The following ANK3 variants were observed in gnomAD, a reference collection of about 807,000 sequenced individuals.
ANK3 encodes the protein ankyrin-3.
ANK3 carries 57 observed loss-of-function variants against 370.9 expected under a neutral mutation model. The ratio of observed to expected loss-of-function variants is 0.15; its 90% CI spans 0.12 to 0.19. The LOEUF (loss-of-function observed/expected upper bound fraction) is 0.19, where lower values mean the gene tolerates loss of function less well. Among genes scored for constraint, ANK3 ranks in the 10% least tolerant of loss-of-function variants. The pLI is 1.00. For missense variants in ANK3, 4,439 were observed against 5,302.1 expected (o/e 0.84, Z 5.06); for synonymous variants, 1,929 against 1,946.3 (o/e 0.99, Z 0.23).
At chr10:60,093,329 T>C (rs2089179775) in intron 28 of ANK3, among the ~76,000 whole-genome samples, 1 of 152,244 alleles carries the variant, frequency 6.6e-6, no homozygotes, top group Admixed American at 6.5e-5. Flanking sequence ...AAAGATGTCA[T>C]GTTCTCCTTC....
intron 18 of ANK3, among the ~76,000 whole-genome samples, chr10:60,174,224 G>A (rs1248505826): frequency 6.6e-6 from 1 of 152,100 alleles, no homozygotes; most frequent in Non-Finnish European, 1.5e-5. Context: ...ACCTTACCAG[G>A]GATGTGCTGC....
intron 24 of ANK3, among the ~76,000 whole-genome samples, chr10:60,135,871 T>G (rs921790050): frequency 6.6e-6 from 1 of 152,162 alleles, no homozygotes; most frequent in East Asian, 1.9e-4. Flanking sequence ...TACATTCTTC[T>G]AGGATTGGAG....
intron 1 of ANK3, among the ~76,000 whole-genome samples, chr10:60,686,563 C>T (rs60551449): frequency 0.012 from 1,794 of 152,180 alleles, 35 homozygotes; most frequent in African/African-American, 0.041. Context: ...ATAGTACTTT[C>T]TATGTGCCAG....
chr10:60,333,492 C>A (rs770490816), intron 1 of ANK3, among the ~76,000 whole-genome samples: 1 of 152,098 alleles, frequency 6.6e-6, no homozygotes, highest in African/African-American at 2.4e-5. Flanking sequence ...TTCTTTTTTA[C>A]GCCTGTGTAG....
chr10:60,496,030 GCTT>G (rs1282087132), intron 2 of ANK3, among the ~76,000 whole-genome samples: 1 of 150,268 alleles, frequency 6.7e-6, no homozygotes, highest in African/African-American at 2.5e-5. Flanking sequence ...AAAATTGTCT[GCTT>G]CTAATTTATA....
chr10:60,586,329 G>A (rs1161974592), intron 2 of ANK3, among the ~76,000 whole-genome samples: 2 of 152,186 alleles, frequency 1.3e-5, no homozygotes, highest in African/African-American at 4.8e-5. Context: ...TTCTTTCAAT[G>A]TCAGAGCAGA....
intron 2 of ANK3, among the ~76,000 whole-genome samples, chr10:60,459,404 C>A (rs2064829191): frequency 6.6e-6 from 1 of 152,142 alleles, no homozygotes; most frequent in Admixed American, 6.6e-5. Context: ...GGAACTTCAA[C>A]CTGACAATCA....
chr10:60,540,086 A>G (rs2076813189), intron 2 of ANK3, among the ~76,000 whole-genome samples: 1 of 151,892 alleles, frequency 6.6e-6, no homozygotes, highest in African/African-American at 2.4e-5. Flanking sequence ...AGGCTCCTTC[A>G]CCTTCATTCC....
intron 1 of ANK3, among the ~76,000 whole-genome samples, chr10:60,289,135 T>C (rs552109786): frequency 2.0e-5 from 3 of 152,220 alleles, no homozygotes; most frequent in African/African-American, 7.2e-5. Context: ...AAGAAAGTGA[T>C]ATAAGAGGCA....
At chr10:60,257,316 C>T (rs1321849398) in intron 7 of ANK3, among the ~76,000 whole-genome samples, 4 of 152,130 alleles carry the variant, frequency 2.6e-5, no homozygotes, top group Admixed American at 2.6e-4. Context: ...GTTAACCAGT[C>T]ACTGATCTGT....
At chr10:60,048,510 A>G (rs1291450107) in intron 42 of ANK3, among the ~76,000 whole-genome samples, 3 of 152,154 alleles carry the variant, frequency 2.0e-5, no homozygotes, top group Admixed American at 2.0e-4. Context: ...CAGATAGCAA[A>G]ATCTGCAGAT....
intron 18 of ANK3, among the ~76,000 whole-genome samples, chr10:60,176,342 G>A (rs1459556382): frequency 2.3e-5 from 3 of 131,234 alleles, no homozygotes; most frequent in Non-Finnish European, 4.6e-5. Flanking sequence ...TCCAGCCTGG[G>A]CAACAGAGTG....
chr10:60,281,559 C>T (rs377516034), intron 1 of ANK3, among the ~76,000 whole-genome samples: 10 of 152,182 alleles, frequency 6.6e-5, no homozygotes, highest in African/African-American at 2.4e-4. Context: ...GGCAATGTGA[C>T]TCCATGTAAT....
intron 27 of ANK3, among the ~76,000 whole-genome samples, chr10:60,106,793 C>G (rs1332653036): frequency 6.6e-6 from 1 of 152,052 alleles, no homozygotes; most frequent in East Asian, 1.9e-4. Context: ...CCAATCAAGC[C>G]ACGGGAAATA....
chr10:60,266,990 G>T (rs141295965), intron 5 of ANK3, among the ~76,000 whole-genome samples: 1 of 152,056 alleles, frequency 6.6e-6, no homozygotes, highest in African/African-American at 2.4e-5. Context: ...ATTATATATA[G>T]AGAGAAAAGA....
intron 2 of ANK3, among the ~76,000 whole-genome samples, chr10:60,505,431 C>A (rs2075912679): frequency 6.6e-6 from 1 of 152,022 alleles, no homozygotes; most frequent in Middle Eastern, 3.4e-3. Flanking sequence ...TTTCATCTAC[C>A]AAGATATATT....
In ANK3 at chr10:60,071,795, T is replaced by C. The variant is rs1271482716; in HGVS notation, c.9086A>G (p.Gln3029Arg). The part of the protein sequence containing the change: ...YSEISKVSKH[Q>R]SYVGLCPPLE... Reference sequence around the variant, plus strand: ...AGGTGGGCATAAACCTACATAACTCTGGTGTTTGGAAACTTTGCTGATTTC... The same window carrying C: ...AGGTGGGCATAAACCTACATAACTCCGGTGTTTGGAAACTTTGCTGATTTC... The change falls in exon 37 of 44, where the codon CAG (glutamine) becomes CGG (arginine). Residue 3029 changes from glutamine to arginine, a missense_variant. Gln to Arg is a conservative substitution (Grantham distance 43, BLOSUM62 1). Transcript: ENST00000280772. 6.2e-7 allele frequency: 1 copy of C among 1,609,080 alleles called. No individual in the cohort carries two copies. The highest frequency in any genetic ancestry group is 8.5e-7 in the Non-Finnish European group (1 of 1,177,570).
chr10:60,513,922 G>T (rs1249366148), intron 2 of ANK3, among the ~76,000 whole-genome samples: 2 of 152,118 alleles, frequency 1.3e-5, no homozygotes, highest in African/African-American at 4.8e-5. Context: ...CACTGAGTGG[G>T]TCTGCCTCTC....
At chr10:60,214,192 G>A (rs905422984) in intron 8 of ANK3, among the ~76,000 whole-genome samples, 1 of 151,994 alleles carries the variant, frequency 6.6e-6, no homozygotes, top group Non-Finnish European at 1.5e-5. Flanking sequence ...ACTAGTTTAT[G>A]TATCTGCTAA....
Sources: gnomAD v4.1 joint callset for allele counts (sites outside exome capture counted in the v4.1 genomes callset) on GRCh38, gnomAD v4.1.1 for gene constraint, MANE v1.5 for transcripts, NCBI Gene and HGNC (gene_info 2026-07-23, HGNC 2026-07-21) for gene names.